Variants in SLC41A2 observed in about 807,000 individuals in gnomAD.
The protein encoded by SLC41A2 is SLC41A1-like 1.
Under a neutral mutation model 58.3 loss-of-function variants are expected in SLC41A2, and 32 were observed. That is an observed-to-expected ratio of 0.55 (90% CI 0.41 to 0.74). SLC41A2 has a LOEUF of 0.74. Among genes scored for constraint, SLC41A2 ranks in the 30% least tolerant of loss-of-function variants. The probability of loss-of-function intolerance (pLI) is 0.00; values close to 1 mark genes in which losing one functional copy is unlikely to be tolerated. For missense variants in SLC41A2, 514 were observed against 680.6 expected, an observed-to-expected ratio of 0.76 and a Z score of 2.72; for synonymous variants, 190 against 235.0, an observed-to-expected ratio of 0.81 and a Z score of 1.75.
At chr12:104,944,296 G>A (rs534890877) in intron 1 of SLC41A2, among the ~76,000 whole-genome samples, 7 of 152,290 alleles carry the variant, frequency 4.6e-5, no homozygotes, top group African/African-American at 1.7e-4. Context: ...GTGCAGGACA[G>A]CCTCCACACC....
intron 7 of SLC41A2, 63 bp from the exon 8 acceptor site, chr12:104,861,433 G>A (rs916339238): frequency 9.5e-5 from 96 of 1,011,198 alleles, no homozygotes; most frequent in South Asian, 2.2e-4. Context: ...AAGTTATTCT[G>A]TACATACAGA....
intron 2 of SLC41A2, among the ~76,000 whole-genome samples, chr12:104,920,053 C>G (rs1161391029): frequency 6.6e-6 from 1 of 152,192 alleles, no homozygotes; most frequent in Admixed American, 6.5e-5. Context: ...TGCTCCAGCA[C>G]CATTTGCTGA....
chr12:104,891,303 G>A (rs2044954476), intron 4 of SLC41A2, among the ~76,000 whole-genome samples: 1 of 151,986 alleles, frequency 6.6e-6, no homozygotes, highest in African/African-American at 2.4e-5. Context: ...CTCCTATCTT[G>A]ACTGACAGTT....
At chr12:104,890,589 ATTC>A (rs2044906394) in intron 4 of SLC41A2, among the ~76,000 whole-genome samples, 1 of 152,186 alleles carries the variant, frequency 6.6e-6, no homozygotes, top group South Asian at 2.1e-4. Context: ...AGGAAGTCCT[ATTC>A]TGGAAATATG....
intron 7 of SLC41A2, among the ~76,000 whole-genome samples, chr12:104,863,970 T>C (rs1280704188): frequency 1.3e-5 from 2 of 151,876 alleles, no homozygotes; most frequent in East Asian, 3.9e-4. Context: ...TTTTTTTTTT[T>C]CTTAGAGACC....
At chr12:104,936,645 A>C (rs1487818425) in intron 1 of SLC41A2, among the ~76,000 whole-genome samples, 1 of 152,220 alleles carries the variant, frequency 6.6e-6, no homozygotes, top group African/African-American at 2.4e-5. Flanking sequence ...TCATGAGAAC[A>C]GCACAAGAAA....
At chr12:104,823,567 G>T (rs534664099) in intron 10 of SLC41A2, among the ~76,000 whole-genome samples, 1 of 152,112 alleles carries the variant, frequency 6.6e-6, no homozygotes. Flanking sequence ...GTAACAACCG[G>T]ATGTTCATAC....
At chr12:104,831,726 T>C (rs761699851) in intron 10 of SLC41A2, among the ~76,000 whole-genome samples, 2 of 152,152 alleles carry the variant, frequency 1.3e-5, no homozygotes, top group Non-Finnish European at 2.9e-5. Flanking sequence ...CTATTACCCA[T>C]ACAAAATACA....
At position 104,928,360 on chromosome 12, in the gene SLC41A2, GTCT is replaced by G. The variant is rs780363333; in HGVS notation, c.165_167del (p.Glu55del). ...AAATGCCGTTTGCTTTTTTGTGCCT[GTCT>G]TCTTGGTTTTTCTGGTAAATCACTG... On this transcript the variant is annotated inframe_deletion, in exon 2 of 11. Coordinates refer to ENST00000258538, the MANE Select transcript of SLC41A2 (RefSeq NM_001352171.3). 4 of 1,603,124 alleles carry G rather than the reference GTCT, an allele frequency of 2.5e-6. No homozygotes were observed. In the Admixed American group the frequency reaches 6.9e-5, roughly 28 times the overall value.
At chr12:104,905,293 C>A (rs982064681) in intron 3 of SLC41A2, among the ~76,000 whole-genome samples, 25 of 152,196 alleles carry the variant, frequency 1.6e-4, no homozygotes, top group Admixed American at 1.2e-3. Flanking sequence ...TAAAGGTTCT[C>A]CACGTCCTCA....
In SLC41A2 at chr12:104,909,853, C is replaced by T. The variant is rs2046003907; in HGVS notation, c.556-91G>A. On this transcript the variant is annotated intron_variant, in intron 2 of 10. Transcript: ENST00000258538. ...TTTCTAAAAATCTCAGCCTTTTTCC[C>T]AACTTGGCATCTACATTTTGAATAA... is the stretch of plus-strand genomic sequence containing the variant. The T allele has an allele frequency of 3.6e-6, 3 of 831,666 alleles. No individual in the cohort carries two copies. In the East Asian group the frequency reaches 8.3e-5, roughly 23 times the overall value. The allele number at this position is 831,666 out of a possible 1,614,324, so 51.5% of individuals were successfully genotyped here. A position where few individuals can be genotyped will look rare whatever the true frequency, so the allele number is the denominator to read the frequency against.
At position 104,941,408 on chromosome 12, in the gene SLC41A2, C is replaced by A. The variant is rs1043427605; in HGVS notation, c.-167-12714G>T. 2.0e-5 allele frequency among the ~76,000 whole-genome samples: 3 copies of A among 152,130 alleles called. 1 individual carries two copies. The highest frequency in any genetic ancestry group is 4.4e-5 in the Non-Finnish European group (3 of 68,018). On this transcript the variant is annotated intron_variant, in intron 1 of 10. Coordinates refer to ENST00000258538, the MANE Select transcript of SLC41A2 (RefSeq NM_001352171.3). The stretch of plus-strand genomic sequence containing the variant: ...TGAATAAATCCTCTATATAATAAAT[C>A]CTCAATACATCGCAAATAATTTTTC...
At chr12:104,812,754 T>C (rs959392088) in intron 10 of SLC41A2, among the ~76,000 whole-genome samples, 2 of 152,100 alleles carry the variant, frequency 1.3e-5, no homozygotes, top group Non-Finnish European at 2.9e-5. Context: ...TGGAATGCTC[T>C]GGATACCAGG....
intron 10 of SLC41A2, among the ~76,000 whole-genome samples, chr12:104,816,561 A>T (rs1021002705): frequency 2.0e-5 from 3 of 152,182 alleles, no homozygotes; most frequent in Non-Finnish European, 4.4e-5. Flanking sequence ...CAGACAGGAG[A>T]CAAAAGCAAG....
chr12:104,917,734 C>T (rs529747231), intron 2 of SLC41A2, among the ~76,000 whole-genome samples: 10 of 147,932 alleles, frequency 6.8e-5, no homozygotes, highest in Non-Finnish European at 1.2e-4. Flanking sequence ...AAAAACCAAA[C>T]ACCGCATGTT....
intron 6 of SLC41A2, among the ~76,000 whole-genome samples, chr12:104,868,941 C>T (rs1363895761): frequency 2.0e-5 from 3 of 151,970 alleles, no homozygotes; most frequent in African/African-American, 7.3e-5. Flanking sequence ...TAGGCAAATC[C>T]GAAGAGAAGG....
At chr12:104,937,427 A>G (rs1593175545) in intron 1 of SLC41A2, among the ~76,000 whole-genome samples, 1 of 152,340 alleles carries the variant, frequency 6.6e-6, no homozygotes, top group African/African-American at 2.4e-5. Context: ...TTGTGTAACA[A>G]CTGCCTATAA....
At chr12:104,909,600 A>C in intron 3 of SLC41A2, 55 bp downstream of exon 3, 1 of 1,214,566 alleles carries the variant, frequency 8.2e-7, no homozygotes, top group Non-Finnish European at 1.2e-6. Flanking sequence ...AGTTCCCCTT[A>C]ACAGAGAGAA....
Position 104,935,402 on chromosome 12 carries a change from TA to T in SLC41A2, c.-167-6709del, listed in dbSNP as rs556298678. ...TCAGTGAGGTGATGTATATGTTAGT[TA>T]TCTTGATTGAATATTTTCTATAACG... On this transcript the variant is annotated intron_variant, in intron 1 of 10. Coordinates refer to ENST00000258538, the MANE Select transcript of SLC41A2 (RefSeq NM_001352171.3). Among the ~76,000 whole-genome samples the T allele has an allele frequency of 2.0e-5, 3 of 152,220 alleles. No individual in the cohort carries two copies. In the South Asian group the frequency reaches 6.2e-4, roughly 32 times the overall value.
Sources: allele counts gnomAD v4.1 joint callset (sites outside exome capture counted in the v4.1 genomes callset), GRCh38; gene constraint gnomAD v4.1.1; transcripts MANE v1.5; gene names NCBI Gene and HGNC (gene_info 2026-07-23, HGNC 2026-07-21).